PTPRN2: variants seen among roughly 807,000 people sequenced by gnomAD.
PTPRN2 encodes the protein protein tyrosine phosphatase receptor type N2, also known as receptor-type tyrosine-protein phosphatase N2.
Under a neutral mutation model 118.8 loss-of-function variants are expected in PTPRN2, and 74 were observed. The observed-to-expected ratio is 0.62, with a 90% CI of 0.52 to 0.76. The LOEUF (loss-of-function observed/expected upper bound fraction) is 0.76, where lower values mean the gene tolerates loss of function less well. Among genes scored for constraint, PTPRN2 ranks in the 30% least tolerant of loss-of-function variants. The pLI, the probability that PTPRN2 is intolerant of heterozygous loss-of-function variation, is 0.00. For synonymous variants in PTPRN2, 641 were observed against 608.0 expected (o/e 1.05, Z -0.80); for missense variants, 1,481 against 1,394.4 (o/e 1.06, Z -0.99).
intron 14 of PTPRN2, among the ~76,000 whole-genome samples, chr7:157,639,043 C>T (rs983402645): frequency 2.7e-5 from 4 of 145,816 alleles, no homozygotes; most frequent in Non-Finnish European, 6.1e-5. Context: ...TTCTTTCTTT[C>T]TTTTTTTTTT....
chr7:158,017,565 T>A (rs1483860690), intron 11 of PTPRN2, among the ~76,000 whole-genome samples: 1 of 152,228 alleles, frequency 6.6e-6, no homozygotes, highest in African/African-American at 2.4e-5. Context: ...TGAGAATTTA[T>A]GTCTTTTTCC....
At chr7:157,668,450 G>A (rs1036163176) in intron 13 of PTPRN2, among the ~76,000 whole-genome samples, 1 of 152,202 alleles carries the variant, frequency 6.6e-6, no homozygotes, top group African/African-American at 2.4e-5. Context: ...AGAGCCTTGG[G>A]TTTTTAGGGT....
intron 12 of PTPRN2, among the ~76,000 whole-genome samples, chr7:157,706,430 A>T (rs1243076002): frequency 6.6e-6 from 1 of 152,108 alleles, no homozygotes; most frequent in East Asian, 1.9e-4. Context: ...TTCCAGATCA[A>T]TGTGGACCAC....
intron 12 of PTPRN2, among the ~76,000 whole-genome samples, chr7:157,745,909 G>A (rs72505545): frequency 6.6e-6 from 1 of 151,972 alleles, no homozygotes; most frequent in African/African-American, 2.4e-5. Context: ...GAGATCACAG[G>A]ACTCCCTACA....
chr7:157,554,740 G>A (rs553447928), intron 21 of PTPRN2, among the ~76,000 whole-genome samples: 1 of 152,360 alleles, frequency 6.6e-6, no homozygotes, highest in African/African-American at 2.4e-5. Context: ...CAGATGGAAG[G>A]AAAGAAAGGA....
At chr7:157,581,842 A>G (rs1800396504) in intron 17 of PTPRN2, among the ~76,000 whole-genome samples, 1 of 152,200 alleles carries the variant, frequency 6.6e-6, no homozygotes, top group Non-Finnish European at 1.5e-5. Context: ...TCCCAATCCA[A>G]CGTGACTGTG....
At chr7:158,239,229 G>A (rs6957203) in intron 3 of PTPRN2, among the ~76,000 whole-genome samples, 87 of 152,292 alleles carry the variant, frequency 5.7e-4, no homozygotes, top group African/African-American at 1.8e-3. Context: ...GGTAAAACCC[G>A]TCAGCTATTC....
At chr7:157,628,139 A>G (rs1803700703) in intron 14 of PTPRN2, among the ~76,000 whole-genome samples, 1 of 152,374 alleles carries the variant, frequency 6.6e-6, no homozygotes, top group Non-Finnish European at 1.5e-5. Flanking sequence ...TCCATGTGTC[A>G]GGCAAACCAA....
intron 11 of PTPRN2, among the ~76,000 whole-genome samples, chr7:158,075,668 C>T (rs548995832): frequency 6.6e-6 from 1 of 152,342 alleles, no homozygotes; most frequent in African/African-American, 2.4e-5. Context: ...TGTGTCTGTG[C>T]CGTGAGTCAG....
At chr7:158,317,252 C>G (rs1436944882) in intron 2 of PTPRN2, among the ~76,000 whole-genome samples, 1 of 152,224 alleles carries the variant, frequency 6.6e-6, no homozygotes, top group Non-Finnish European at 1.5e-5. Flanking sequence ...AAACTTGCCT[C>G]TGACAACTCA....
intron 1 of PTPRN2, among the ~76,000 whole-genome samples, chr7:158,534,566 G>A (rs1259401722): frequency 1.3e-5 from 2 of 152,142 alleles, no homozygotes; most frequent in African/African-American, 4.8e-5. Flanking sequence ...CCCAACTGCT[G>A]CCCTCATTGC....
chr7:158,001,599 C>G (rs144125555), intron 11 of PTPRN2, among the ~76,000 whole-genome samples: 2 of 152,214 alleles, frequency 1.3e-5, no homozygotes, highest in African/African-American at 4.8e-5. Context: ...GGCGCTCCCA[C>G]CATGCAGACA....
In PTPRN2 at chr7:157,981,993, G is replaced by A. The variant is rs1194382296; in HGVS notation, c.1724-83256C>T. Among the ~76,000 whole-genome samples, 180 of 147,978 alleles carry A rather than the reference G, an allele frequency of 1.2e-3. 2 individuals carry two copies. The highest frequency in any genetic ancestry group is 3.4e-3 in the Middle Eastern group (1 of 290). ...GTGCAGGGTACCGCCCAGAACCCCT[G>A]AGTCATAGAGACAAGGAGGGGAATG... On this transcript the variant is annotated intron_variant, in intron 11 of 22. Coordinates refer to ENST00000389418, the MANE Select transcript of PTPRN2 (RefSeq NM_002847.5).
At position 158,171,129 on chromosome 7, in the gene PTPRN2, C is replaced by CATATATACACACATATATATACACAT. The variant is rs1651627287; in HGVS notation, c.550-3864_550-3839dup. On this transcript the variant is annotated intron_variant, in intron 5 of 22. Coordinates refer to ENST00000389418, the MANE Select transcript of PTPRN2 (RefSeq NM_002847.5). ...ACATATATATACACACATATATACA[C>CATATATACACACATATATATACACAT]ATATATACACACATATATATACACA... Among the ~76,000 whole-genome samples the CATATATACACACATATATATACACAT allele has an allele frequency of 3.2e-5, 3 of 92,942 alleles. 1 individual carries two copies. Among genetic ancestry groups the CATATATACACACATATATATACACAT allele is most frequent in the African/African-American group, 1.2e-4 (3 of 25,904 alleles). 61.0% of individuals were successfully genotyped at this position (92,942 alleles called of 152,430 possible).
At chr7:158,327,022 TAC>T (rs1350877712) in intron 2 of PTPRN2, among the ~76,000 whole-genome samples, 13 of 147,616 alleles carry the variant, frequency 8.8e-5, no homozygotes, top group African/African-American at 2.5e-4. Flanking sequence ...CTCACATATA[TAC>T]ACATTCTCAC....
intron 3 of PTPRN2, among the ~76,000 whole-genome samples, chr7:158,273,710 T>C (rs374267376): frequency 7.6e-4 from 53 of 70,000 alleles, no homozygotes; most frequent in Middle Eastern, 0.014. Context: ...CAGGGGGAGC[T>C]GCAGACACAG....
chr7:158,205,798 G>A (rs939739744), intron 3 of PTPRN2, among the ~76,000 whole-genome samples: 1 of 152,178 alleles, frequency 6.6e-6, no homozygotes, highest in Non-Finnish European at 1.5e-5. Flanking sequence ...GTGATAGTGG[G>A]ACTTGGTATT....
intron 1 of PTPRN2, among the ~76,000 whole-genome samples, chr7:158,528,221 G>A (rs1454813982): frequency 1.3e-5 from 2 of 152,218 alleles, no homozygotes; most frequent in Middle Eastern, 3.2e-3. Context: ...TCCCGAGAAG[G>A]TGCACTCATA....
chr7:158,053,984 CAG>C (rs1809567474), intron 11 of PTPRN2, among the ~76,000 whole-genome samples: 2 of 150,152 alleles, frequency 1.3e-5, no homozygotes, highest in African/African-American at 4.9e-5. Flanking sequence ...CCTAGAGACG[CAG>C]AGACCCCAGA....
Sources: gnomAD v4.1 joint callset for allele counts (sites outside exome capture counted in the v4.1 genomes callset) on GRCh38, gnomAD v4.1.1 for gene constraint, MANE v1.5 for transcripts, NCBI Gene and HGNC (gene_info 2026-07-23, HGNC 2026-07-21) for gene names.